Variants in LAMC3 observed in about 807,000 individuals in gnomAD.
LAMC3 encodes laminin subunit gamma-3.
In LAMC3, 128 loss-of-function variants were observed where a neutral mutation model predicts 173.8. The ratio of observed to expected loss-of-function variants is 0.74; its 90% confidence interval spans 0.64 to 0.85. The LOEUF (loss-of-function observed/expected upper bound fraction) is 0.85, where lower values mean the gene tolerates loss of function less well. Ranked by LOEUF, LAMC3 falls within the 40% of genes least tolerant of loss-of-function variation. The pLI is 0.00. For synonymous variants in LAMC3, 897 were observed against 909.1 expected, an observed-to-expected ratio of 0.99 and a Z score of 0.24; for missense variants, 2,022 against 2,156.0, an observed-to-expected ratio of 0.94 and a Z score of 1.23.
intron 1 of LAMC3, among the ~76,000 whole-genome samples, chr9:131,012,048 A>AACACACACACACACACACACACAC (rs3837236): frequency 1.5e-4 from 21 of 138,236 alleles, no homozygotes; most frequent in African/African-American, 5.4e-4. Flanking sequence ...GTAGAGAGCG[A>AACACACACACACACACACACACAC]ACACACACAC....
At chr9:131,020,764 C>T (rs546060553) in intron 1 of LAMC3, among the ~76,000 whole-genome samples, 3 of 152,254 alleles carry the variant, frequency 2.0e-5, no homozygotes, top group South Asian at 4.2e-4. Context: ...AGGTCACTTG[C>T]GAGAAGGAGG....
rs1219853290 is a variant in LAMC3 at position 131,069,753 on chromosome 9, G to A, written c.2972G>A (p.Gly991Asp). The stretch of plus-strand genomic sequence containing the variant: ...TGCGTGTGCAGGCCTGGCTTCGAGG[G>A]CTACAAATGTGACCGCTGCCACGAC... ...GTCVCRPGFE[G>D]YKCDRCHDNF... The change falls in exon 17 of 28, where the codon GGC becomes GAC. Residue 991 changes from glycine to aspartate, a missense_variant. Gly to Asp is a moderately conservative substitution (Grantham distance 94, BLOSUM62 -1). Transcript: ENST00000361069. The A allele has an allele frequency of 2.5e-6, 4 of 1,598,954 alleles. No homozygotes were observed. In the South Asian group the frequency reaches 3.4e-5, roughly 14 times the overall value.
intron 1 of LAMC3, among the ~76,000 whole-genome samples, chr9:131,012,779 T>C (rs1006856377): frequency 6.6e-6 from 1 of 152,088 alleles, no homozygotes; most frequent in Non-Finnish European, 1.5e-5. Context: ...TGAAGGCTCA[T>C]GGGAAGGGAG....
chr9:131,066,007 A>G (rs1321394822), intron 13 of LAMC3, among the ~76,000 whole-genome samples: 2 of 152,144 alleles, frequency 1.3e-5, no homozygotes, highest in Non-Finnish European at 2.9e-5. Flanking sequence ...AGCAGGGCCA[A>G]TGTGGCGAAA....
At chr9:131,041,326 C>T (rs1465331999) in intron 6 of LAMC3, among the ~76,000 whole-genome samples, 5 of 144,362 alleles carry the variant, frequency 3.5e-5, no homozygotes, top group East Asian at 4.1e-4. Context: ...AAGATCATGA[C>T]ACTGCGCTCC....
Position 131,069,018 on chromosome 9 carries a change from G to T in LAMC3, c.2858G>T (p.Gly953Val), listed in dbSNP as rs201474312. ...CAGGCCTGTGACAGGTGCCAGCTGG[G>T]TTTCTTCGGCTTCTCCATCAAGGGC... ...TGQACDRCQL[G>V]FFGFSIKGCR... The change falls in exon 16 of 28, where the codon GGT (glycine) becomes GTT (valine). Residue 953 changes from glycine to valine, a missense_variant. Coordinates refer to ENST00000361069, the MANE Select transcript of LAMC3 (RefSeq NM_006059.4). 1 of 1,613,902 alleles carries T rather than the reference G, an allele frequency of 6.2e-7. No homozygotes were observed.
chr9:131,081,435 T>TTCCCTCCCTCCCTCCA (rs1554790875), intron 23 of LAMC3, among the ~76,000 whole-genome samples: 16,710 of 126,538 alleles, frequency 0.13, 1,216 homozygotes, highest in South Asian at 0.17. Flanking sequence ...TAGAGCAGTG[T>TTCCCTCCCTCCCTCCA]TCCCTCCCTC....
chr9:131,066,859 T>C (rs2133311711), intron 13 of LAMC3, 101 bp from the exon 14 acceptor site: 2 of 1,496,450 alleles, frequency 1.3e-6, no homozygotes, highest in Non-Finnish European at 1.8e-6. Context: ...CCCGTGCTGC[T>C]CCGGGGAAGG....
Position 131,052,466 on chromosome 9 carries a change from C to G in LAMC3, c.1631-25C>G, listed in dbSNP as rs767516447. On this transcript the variant is annotated intron_variant, in intron 9 of 27. Coordinates refer to ENST00000361069, the MANE Select transcript of LAMC3 (RefSeq NM_006059.4). The stretch of plus-strand genomic sequence containing the variant: ...ATCAAGCTAACCATATGAAGACTGT[C>G]AAAGCCTTCTTCTCTTGTCTTCAGA... 14 of 1,592,720 alleles carry G rather than the reference C, an allele frequency of 8.8e-6. No individual in the cohort carries two copies. In the East Asian group the frequency reaches 2.5e-4, roughly 28 times the overall value.
rs143053414 is a variant in LAMC3 at position 131,032,073 on chromosome 9, T to C, written c.707T>C (p.Ile236Thr). ...QEWVTSTELL[I>T]SLDRLNTFGD... is the part of the protein sequence containing the mutation. ...TGGGTCACCAGCACCGAACTCCTCA[T>C]CTCTCTAGACCGGCTCAACACGTTT... The change falls in exon 3 of 28, where the codon ATC becomes ACC. Residue 236 changes from isoleucine (I) to threonine (T), a missense_variant. Physicochemically the swap from Ile to Thr is moderately conservative, Grantham distance 89. Transcript: ENST00000361069. 5.0e-6 allele frequency: 8 copies of C among 1,613,716 alleles called. No individual in the cohort carries two copies. In the African/African-American group the frequency reaches 8.0e-5, roughly 16 times the overall value.
chr9:131,072,743 CAGA>C lies in LAMC3; in HGVS notation c.3329_3331del (p.Lys1110del). ...TGCCCGCTGTGCCCAGGCCGGATCC[CAGA>C]AGACCTGCACCCAGCTGGCAGACCT... On this transcript the variant is annotated inframe_deletion, in exon 19 of 28. Coordinates refer to ENST00000361069, the MANE Select transcript of LAMC3 (RefSeq NM_006059.4). The C allele has an allele frequency of 6.2e-7, 1 of 1,613,130 alleles. No individual in the cohort carries two copies. Among genetic ancestry groups the C allele is most frequent in the African/African-American group, 1.3e-5 (1 of 75,010 alleles).
chr9:131,016,258 A>G (rs907361293), intron 1 of LAMC3, among the ~76,000 whole-genome samples: 2 of 152,140 alleles, frequency 1.3e-5, no homozygotes, highest in African/African-American at 4.8e-5. Context: ...GGGAGGGGCA[A>G]TGGAGAGTGA....
In LAMC3 at chr9:131,009,210, T is replaced by C; in HGVS notation, c.-5T>C. The C allele has an allele frequency of 8.2e-7, 1 of 1,221,514 alleles. No individual in the cohort carries two copies. Among genetic ancestry groups the C allele is most frequent in the Non-Finnish European group, 1.0e-6 (1 of 984,414 alleles). 75.7% of individuals were successfully genotyped at this position (1,221,514 alleles called of 1,614,324 possible). A position where few individuals can be genotyped will look rare whatever the true frequency, so the allele number is the denominator to read the frequency against. ...GCAGAGCGCGCGGCGTCGGTGCCCT[T>C]GACCATGGCGGCGGCTGCGCTTCTG... On this transcript the variant is annotated 5_prime_UTR_variant, in exon 1 of 28. Coordinates refer to ENST00000361069, the MANE Select transcript of LAMC3 (RefSeq NM_006059.4). The surrounding 1 kb of genome is among the most constrained non-coding windows in gnomAD (Gnocchi z 4.3).
chr9:131,059,247 C>T lies in LAMC3; in HGVS notation c.2159-1788C>T, dbSNP rs528905876. Among the ~76,000 whole-genome samples, 20 of 151,406 alleles carry T rather than the reference C, an allele frequency of 1.3e-4. No individual in the cohort carries two copies. In the South Asian group the frequency reaches 4.0e-3, roughly 30 times the overall value. On this transcript the variant is annotated intron_variant, in intron 12 of 27. Coordinates refer to ENST00000361069, the MANE Select transcript of LAMC3 (RefSeq NM_006059.4). ...GTGGCTCACGCCTGTAATCCCAGCA[C>T]TTTGGGAGGCCGAGGTGGGCAGATC...
chr9:131,021,626 T>C (rs1017008931), intron 1 of LAMC3, among the ~76,000 whole-genome samples: 5 of 152,254 alleles, frequency 3.3e-5, no homozygotes, highest in East Asian at 1.9e-4. Flanking sequence ...TGTCCTCTAA[T>C]TCAGTTCCAA....
intron 1 of LAMC3, among the ~76,000 whole-genome samples, chr9:131,015,269 C>G (rs1003119049): frequency 1.2e-4 from 18 of 152,172 alleles, no homozygotes; most frequent in Admixed American, 7.9e-4. Flanking sequence ...ATGAAGGGCC[C>G]CCAGCCTTGC....
chr9:131,069,755 T>A lies in LAMC3; in HGVS notation c.2974T>A (p.Tyr992Asn), dbSNP rs751347574. The part of the protein sequence containing the change: ...TCVCRPGFEG[Y>N]KCDRCHDNFF... Reference sequence around the variant, plus strand: ...CGTGTGCAGGCCTGGCTTCGAGGGCTACAAATGTGACCGCTGCCACGACAA... The same window carrying A: ...CGTGTGCAGGCCTGGCTTCGAGGGCAACAAATGTGACCGCTGCCACGACAA... The change falls in exon 17 of 28, where the codon TAC becomes AAC. Residue 992 changes from tyrosine to asparagine, a missense_variant. Transcript: ENST00000361069. 3 of 1,598,694 alleles carry A rather than the reference T, an allele frequency of 1.9e-6. No individual in the cohort carries two copies. The highest frequency in any genetic ancestry group is 1.7e-5 in the Admixed American group (1 of 57,802).
intron 3 of LAMC3, among the ~76,000 whole-genome samples, chr9:131,034,743 G>C (rs906628536): frequency 6.6e-6 from 1 of 152,218 alleles, no homozygotes; most frequent in Non-Finnish European, 1.5e-5. Flanking sequence ...CTCAGGACAG[G>C]GACAGTGGTC....
chr9:131,082,032 G>T (rs764216656), intron 23 of LAMC3, 27 bp from the exon 24 acceptor site: 1 of 1,590,122 alleles, frequency 6.3e-7, no homozygotes, highest in Admixed American at 1.7e-5. Flanking sequence ...GGAGCCAGCT[G>T]CCCAGCCTCT....
Sources: gnomAD v4.1 joint callset for allele counts (sites outside exome capture counted in the v4.1 genomes callset) on GRCh38, gnomAD v4.1.1 for gene constraint, Gnocchi (gnomAD v3.1) non-coding constraint, MANE v1.5 for transcripts, NCBI Gene and HGNC (gene_info 2026-07-23, HGNC 2026-07-21) for gene names.